NALF1: variants seen among roughly 807,000 people sequenced by gnomAD.
NALF1 encodes the protein NALCN channel auxiliary factor 1.
In NALF1, 3 loss-of-function variants were observed where a neutral mutation model predicts 48.4. That is an observed-to-expected ratio of 0.06 (90% CI 0.03 to 0.16). NALF1 has a LOEUF of 0.16. Among genes scored for constraint, NALF1 ranks in the 10% least tolerant of loss-of-function variants. The pLI is 1.00. For synonymous variants in NALF1, 262 were observed against 245.7 expected (o/e 1.07, Z -0.62); for missense variants, 526 against 571.5 (o/e 0.92, Z 0.81).
intron 1 of NALF1, among the ~76,000 whole-genome samples, chr13:107,556,668 T>C (rs1877492865): frequency 1.4e-5 from 1 of 72,252 alleles, no homozygotes; most frequent in African/African-American, 4.0e-5. Flanking sequence ...TTTGTATTTA[T>C]TAGAGACGGG....
chr13:107,808,159 C>T (rs1878865450), intron 1 of NALF1, among the ~76,000 whole-genome samples: 1 of 152,046 alleles, frequency 6.6e-6, no homozygotes, highest in Non-Finnish European at 1.5e-5. Flanking sequence ...GATGCACTCA[C>T]AGAAGTATAT....
At chr13:107,589,436 T>A (rs1362889856) in intron 1 of NALF1, among the ~76,000 whole-genome samples, 1 of 152,074 alleles carries the variant, frequency 6.6e-6, no homozygotes, top group Non-Finnish European at 1.5e-5. Flanking sequence ...ATTTTACAAG[T>A]GCATTGAATC....
rs527771897 is a variant in NALF1, at chr13:107,211,862, CT to C, written c.916-1108del. ...TACTCTTTTCTAAGTAAGCTGTAAA[CT>C]TTTTTTTCCATGTGATTCTCAGCAT... On this transcript the variant is annotated intron_variant, in intron 1 of 2. Transcript: ENST00000375915. Among the ~76,000 whole-genome samples the C allele has an allele frequency of 7.7e-4, 117 of 152,086 alleles. 1 individual carries two copies. The Middle Eastern group carries it at 0.017, about 22-fold the overall frequency.
chr13:107,445,907 A>C (rs529046838), intron 1 of NALF1, among the ~76,000 whole-genome samples: 1 of 152,116 alleles, frequency 6.6e-6, no homozygotes, highest in African/African-American at 2.4e-5. Flanking sequence ...TTTTTATTAT[A>C]ATGCTTTAAA....
intron 1 of NALF1, among the ~76,000 whole-genome samples, chr13:107,287,607 C>CA (rs1301331045): frequency 2.0e-5 from 3 of 152,066 alleles, no homozygotes; most frequent in African/African-American, 7.2e-5. Flanking sequence ...AATGTATCAC[C>CA]ACGCCTAGAT....
chr13:107,459,402 T>C (rs1303749792), intron 1 of NALF1, among the ~76,000 whole-genome samples: 1 of 151,694 alleles, frequency 6.6e-6, no homozygotes, highest in Admixed American at 6.6e-5. Context: ...AATATATATA[T>C]ATATAAGGCC....
intron 1 of NALF1, among the ~76,000 whole-genome samples, chr13:107,229,301 G>A (rs78923925): frequency 0.023 from 3,451 of 152,150 alleles, 86 homozygotes; most frequent in South Asian, 0.08. Flanking sequence ...TCATGATGAT[G>A]GGACTACGTG....
At chr13:107,693,068 C>T (rs1255733031) in intron 1 of NALF1, among the ~76,000 whole-genome samples, 1 of 152,114 alleles carries the variant, frequency 6.6e-6, no homozygotes, top group African/African-American at 2.4e-5. Flanking sequence ...CTTGAGGAAT[C>T]GCCACACTGT....
At chr13:107,321,633 C>A (rs1446496338) in intron 1 of NALF1, among the ~76,000 whole-genome samples, 1 of 152,088 alleles carries the variant, frequency 6.6e-6, no homozygotes, top group Non-Finnish European at 1.5e-5. Flanking sequence ...ACTTTGGTTT[C>A]CACCAACTTC....
chr13:107,264,997 C>T (rs1239415125), intron 1 of NALF1, among the ~76,000 whole-genome samples: 2 of 152,204 alleles, frequency 1.3e-5, no homozygotes, highest in Admixed American at 6.5e-5. Flanking sequence ...ATTTCCTAAA[C>T]ATTGTCCATC....
At chr13:107,408,150 G>T (rs997571887) in intron 1 of NALF1, among the ~76,000 whole-genome samples, 1 of 151,966 alleles carries the variant, frequency 6.6e-6, no homozygotes, top group African/African-American at 2.4e-5. Flanking sequence ...AGTAGGAATG[G>T]TTAATGAGTA....
At chr13:107,663,523 G>T (rs113673814) in intron 1 of NALF1, among the ~76,000 whole-genome samples, 3 of 152,136 alleles carry the variant, frequency 2.0e-5, no homozygotes, top group Admixed American at 1.3e-4. Flanking sequence ...CAAGATAATC[G>T]TATTTTCATG....
intron 1 of NALF1, among the ~76,000 whole-genome samples, chr13:107,405,185 A>G (rs1037538685): frequency 6.6e-6 from 1 of 152,082 alleles, no homozygotes; most frequent in South Asian, 2.1e-4. Flanking sequence ...TTGAGGCACC[A>G]TGTCTGAGCT....
At chr13:107,396,005 T>C (rs1050547590) in intron 1 of NALF1, among the ~76,000 whole-genome samples, 1 of 152,144 alleles carries the variant, frequency 6.6e-6, no homozygotes, top group Admixed American at 6.6e-5. Flanking sequence ...TCTCTTAGAC[T>C]AAGTAGCTGA....
At chr13:107,406,186 T>C (rs1027739843) in intron 1 of NALF1, among the ~76,000 whole-genome samples, 7 of 151,996 alleles carry the variant, frequency 4.6e-5, no homozygotes, top group Admixed American at 2.0e-4. Context: ...TTAGAAAAAA[T>C]TTTATGGCTA....
At position 107,865,730 on chromosome 13, in the gene NALF1, A is replaced by G. The variant is rs1464949000; in HGVS notation, c.867T>C (p.Tyr289=). The change falls in exon 1 of 3, where the codon TAT becomes TAC. Residue 289 remains tyrosine, a synonymous_variant. Coordinates refer to ENST00000375915, the MANE Select transcript of NALF1 (RefSeq NM_001080396.3). ...TCACCGAGTACTCCTCCGACTGTAA[A>G]TATTTGTGGAGCACGCTTTCAAACT... ...YEEFESVLHK[Y]LQSEEYSVKS... 1.2e-6 allele frequency: 2 copies of G among 1,613,944 alleles called. No individual in the cohort carries two copies. Among genetic ancestry groups the G allele is most frequent in the Non-Finnish European group, 1.7e-6 (2 of 1,179,998 alleles).
At chr13:107,195,665 G>C (rs1461361037) in intron 2 of NALF1, among the ~76,000 whole-genome samples, 1 of 152,190 alleles carries the variant, frequency 6.6e-6, no homozygotes, top group Non-Finnish European at 1.5e-5. Flanking sequence ...AACTGAGTTT[G>C]TGGCAATTTG....
intron 1 of NALF1, among the ~76,000 whole-genome samples, chr13:107,561,614 A>G (rs974186644): frequency 3.3e-5 from 5 of 152,206 alleles, no homozygotes; most frequent in African/African-American, 1.2e-4. Context: ...ATCTTTGGGG[A>G]AAAACTTTGA....
intron 1 of NALF1, among the ~76,000 whole-genome samples, chr13:107,237,697 T>G (rs768946932): frequency 4.6e-5 from 7 of 152,192 alleles, no homozygotes; most frequent in Non-Finnish European, 7.3e-5. Context: ...CCTGACTACA[T>G]AGTACACATC....
Sources: allele counts gnomAD v4.1 joint callset (sites outside exome capture counted in the v4.1 genomes callset), GRCh38; gene constraint gnomAD v4.1.1; transcripts MANE v1.5; gene names NCBI Gene and HGNC (gene_info 2026-07-23, HGNC 2026-07-21).